Variants in MCM3AP observed in about 807,000 individuals in gnomAD.
The protein encoded by MCM3AP is minichromosome maintenance complex component 3 associated protein, also known as germinal-center associated nuclear protein.
In MCM3AP, 126 loss-of-function variants were observed where a neutral mutation model predicts 184.1. That is an observed-to-expected ratio of 0.68 (90% CI 0.59 to 0.79). MCM3AP has a LOEUF of 0.79. Ranked by LOEUF, MCM3AP falls within the 30% of genes least tolerant of loss-of-function variation. The pLI is 0.00. For missense variants in MCM3AP, 2,496 were observed against 2,479.2 expected (o/e 1.01, Z -0.14); for synonymous variants, 1,002 against 979.3 (o/e 1.02, Z -0.43).
chr21:46,265,372 A>C lies in MCM3AP; in HGVS notation c.3183T>G (p.Ser1061=). The change falls in exon 12 of 28, where the codon TCT becomes TCG. Residue 1061 remains serine (S), a synonymous_variant. Transcript: ENST00000291688. ...PSVAPSLFQL[S]VQPEPPPPEP... ...CTGGAGGCGGTGGTTCAGGCTGCAC[A>C]GACAGCTGGAAGAGGCTGGGCGCCA... is the stretch of plus-strand genomic sequence containing the variant. The C allele has an allele frequency of 1.2e-6, 2 of 1,614,020 alleles. No individual in the cohort carries two copies. The highest frequency in any genetic ancestry group is 8.5e-7 in the Non-Finnish European group (1 of 1,180,008).
intron 26 of MCM3AP, among the ~76,000 whole-genome samples, chr21:46,240,426 G>T (rs902111037): frequency 2.0e-5 from 3 of 152,122 alleles, no homozygotes; most frequent in Admixed American, 6.5e-5. Flanking sequence ...GGCAGCCCCA[G>T]CTCCTGTCCA....
chr21:46,261,264 G>C lies in MCM3AP; in HGVS notation c.3467+16C>G, dbSNP rs1369210112. ...ACTGAGCTCCTTATTCGGCTGCATG[G>C]ACAAGACACACTTACCTTTCCTCTT... On this transcript the variant is annotated intron_variant, in intron 14 of 27. Coordinates refer to ENST00000291688, the MANE Select transcript of MCM3AP (RefSeq NM_003906.5). The C allele has an allele frequency of 6.2e-7, 1 of 1,613,434 alleles. No individual in the cohort carries two copies. The highest frequency in any genetic ancestry group is 1.3e-5 in the African/African-American group (1 of 75,052).
chr21:46,251,125 G>A (rs1164322564), intron 20 of MCM3AP: 1 of 154,852 alleles, frequency 6.5e-6, no homozygotes, highest in African/African-American at 2.4e-5. Flanking sequence ...GATGAAATGT[G>A]ACTTTGTAAT....
At chr21:46,268,510 G>A (rs1179457825) in intron 9 of MCM3AP, among the ~76,000 whole-genome samples, 1 of 152,232 alleles carries the variant, frequency 6.6e-6, no homozygotes, top group East Asian at 1.9e-4. Flanking sequence ...AGATGGGCAG[G>A]GAGAGCAGGG....
At chr21:46,238,864 A>C (rs966611507) in intron 26 of MCM3AP, among the ~76,000 whole-genome samples, 1 of 152,240 alleles carries the variant, frequency 6.6e-6, no homozygotes, top group Non-Finnish European at 1.5e-5. Flanking sequence ...CACTGAAACA[A>C]AACAGAGGCC....
chr21:46,260,842 C>T lies in MCM3AP; in HGVS notation c.3532G>A (p.Glu1178Lys). The T allele has an allele frequency of 6.2e-7, 1 of 1,614,224 alleles. No homozygotes were observed. Among genetic ancestry groups the T allele is most frequent in the Non-Finnish European group, 8.5e-7 (1 of 1,180,030 alleles). Residue 1178 changes from glutamate (E) to lysine (K), a missense_variant, in exon 15 of 28, where the codon GAA becomes AAA. Coordinates refer to ENST00000291688, the MANE Select transcript of MCM3AP (RefSeq NM_003906.5). ...CTCACAAACTCCATCATCACGCGTTCCATCAGCTCCACGGCCAGGCCCTGG... is the reference window on the plus strand; with the variant it reads ...CTCACAAACTCCATCATCACGCGTTTCATCAGCTCCACGGCCAGGCCCTGG... Reference protein sequence around the residue: ...LSQGLAVELMERVMMEFVRET... With the variant: ...LSQGLAVELMKRVMMEFVRET...
At chr21:46,253,670 T>C (rs1031161987) in intron 19 of MCM3AP, 2 of 151,270 alleles carry the variant, frequency 1.3e-5, no homozygotes, top group African/African-American at 2.4e-5. Flanking sequence ...CGAGATGTGG[T>C]TGTGTGACAA....
At chr21:46,240,111 G>T (rs1452190623) in intron 26 of MCM3AP, among the ~76,000 whole-genome samples, 1 of 152,172 alleles carries the variant, frequency 6.6e-6, no homozygotes, top group Non-Finnish European at 1.5e-5. Flanking sequence ...AATATGGGGA[G>T]GGGTGGTAGC....
intron 25 of MCM3AP, chr21:46,241,273 G>T: frequency 2.5e-6 from 1 of 400,978 alleles, no homozygotes; most frequent in East Asian, 4.6e-5. Flanking sequence ...GAGACTGCCT[G>T]TTCCTCTTGG....
At chr21:46,235,723 A>C (rs757892437) in intron 27 of MCM3AP, among the ~76,000 whole-genome samples, 2 of 152,136 alleles carry the variant, frequency 1.3e-5, no homozygotes, top group African/African-American at 2.4e-5. Context: ...CTGCAGCCTC[A>C]AACTCCTGGG....
rs1278898267 is a variant in MCM3AP, at chr21:46,285,218, TC to T, written c.68del (p.Gly23GlufsTer42). On this transcript the variant is annotated frameshift_variant, in exon 1 of 28. Transcript: ENST00000291688. LOFTEE classifies it high-confidence loss of function. ...SAFSASSSNV[G>X]TLPSKPPFRF... ...GAAATGGCGGCTTAGATGGAAGTGT[TC>T]CTACATTACTAGAAGACGCCGAAAA... 1 of 1,614,210 alleles carries T rather than the reference TC, an allele frequency of 6.2e-7. No individual in the cohort carries two copies. The highest frequency in any genetic ancestry group is 1.3e-5 in the African/African-American group (1 of 75,062).
At chr21:46,259,135 C>T in intron 15 of MCM3AP, 44 bp from the exon 16 acceptor site, 1 of 1,570,326 alleles carries the variant, frequency 6.4e-7, no homozygotes. Flanking sequence ...CACTTGGGGC[C>T]CACAGACACT....
intron 16 of MCM3AP, among the ~76,000 whole-genome samples, chr21:46,257,474 CAAAAAAA>C (rs369556689): frequency 8.1e-5 from 4 of 49,346 alleles, no homozygotes; most frequent in Admixed American, 2.6e-4. Flanking sequence ...GGCTCCGTCT[CAAAAAAA>C]AAAAAAAAAA....
At chr21:46,258,905 G>A (rs371215543) in intron 16 of MCM3AP, 34 bp downstream of exon 16, 36 of 1,611,958 alleles carry the variant, frequency 2.2e-5, no homozygotes, top group Non-Finnish European at 2.9e-5. Flanking sequence ...TTCCCCGTGT[G>A]TGTGGATTTT....
chr21:46,284,267 C>T lies in MCM3AP; in HGVS notation c.1020G>A (p.Arg340=), dbSNP rs2081371212. 6.2e-7 allele frequency: 1 copy of T among 1,614,082 alleles called. No individual in the cohort carries two copies. Among genetic ancestry groups the T allele is most frequent in the African/African-American group, 1.3e-5 (1 of 74,926 alleles). ...TGCTTTTGAAAACATCCTGTATCGT[C>T]CGACCAAATAAAGTACCTCCCCGGG... ...NRPRGGTLFG[R]TIQDVFKSNK... The change falls in exon 1 of 28, where the codon CGG becomes CGA. Residue 340 remains arginine (R), a synonymous_variant. Transcript: ENST00000291688.
intron 22 of MCM3AP, 101 bp from the exon 23 acceptor site, chr21:46,245,298 A>G (rs2080746699): frequency 9.4e-7 from 1 of 1,062,494 alleles, no homozygotes; most frequent in Non-Finnish European, 1.4e-6. Context: ...AGCAGGTAAT[A>G]CCAGAGTACT....
intron 2 of MCM3AP, among the ~76,000 whole-genome samples, chr21:46,280,949 C>A (rs1359202746): frequency 6.6e-6 from 1 of 152,112 alleles, no homozygotes; most frequent in East Asian, 1.9e-4. Context: ...GGACTACAGG[C>A]GCCCGCCACC....
intron 22 of MCM3AP, among the ~76,000 whole-genome samples, chr21:46,245,584 C>A (rs1459794944): frequency 6.6e-6 from 1 of 152,184 alleles, no homozygotes; most frequent in African/African-American, 2.4e-5. Flanking sequence ...GCCTTCACAC[C>A]CTATGGTTAT....
At chr21:46,274,901 T>G (rs2081235251) in intron 6 of MCM3AP, among the ~76,000 whole-genome samples, 1 of 134,538 alleles carries the variant, frequency 7.4e-6, no homozygotes, top group African/African-American at 2.8e-5. Context: ...ATTGGACCAC[T>G]GCACTTCAGC....
Sources: allele counts gnomAD v4.1 joint callset (sites outside exome capture counted in the v4.1 genomes callset), GRCh38; gene constraint gnomAD v4.1.1; transcripts MANE v1.5; gene names NCBI Gene and HGNC (gene_info 2026-07-23, HGNC 2026-07-21).